METTL25: variants seen among roughly 807,000 people sequenced by gnomAD.
METTL25 encodes the protein probable methyltransferase-like protein 25.
In METTL25, 64 loss-of-function variants were observed where a neutral mutation model predicts 71.6. The ratio of observed to expected loss-of-function variants is 0.89; its 90% CI spans 0.73 to 1.10. The LOEUF (loss-of-function observed/expected upper bound fraction) is 1.10, where lower values mean the gene tolerates loss of function less well. Ranked by LOEUF, METTL25 falls within the 50% of genes least tolerant of loss-of-function variation. METTL25 has a pLI of 0.00. For missense variants in METTL25, 807 were observed against 707.0 expected, an observed-to-expected ratio of 1.14 and a Z score of -1.60; for synonymous variants, 287 against 250.3, an observed-to-expected ratio of 1.15 and a Z score of -1.38.
At position 82,399,288 on chromosome 12, in the gene METTL25, A is replaced by T. The variant is rs145668507; in HGVS notation, c.1025A>T (p.Glu342Val). The T allele has an allele frequency of 1.9e-6, 3 of 1,613,660 alleles. No individual in the cohort carries two copies. The highest frequency in any genetic ancestry group is 2.5e-6 in the Non-Finnish European group (3 of 1,179,826). The change falls in exon 4 of 12, where the codon GAG becomes GTG. Residue 342 changes from glutamate (E) to valine (V), a missense_variant. Transcript: ENST00000248306. ...AGAGAAACATCTGAAGCCAATAAAG[A>T]GAGAAGAAAAATGACATCAAAGTCA... ...PNRETSEANK[E>V]RRKMTSKSSE...
rs149063471 is a variant in METTL25 at position 82,391,990 on chromosome 12, G to A, written c.531+2068G>A. Among the ~76,000 whole-genome samples, 1,501 of 150,852 alleles carry A rather than the reference G, an allele frequency of 1.0e-2. 24 individuals carry two copies. The highest frequency in any genetic ancestry group is 0.034 in the African/African-American group (1,415 of 41,192). ...CATTTCTCTGATGCTTAGTGATATT[G>A]GACATTTTTTCATATACCTGTTGGC... On this transcript the variant is annotated intron_variant, in intron 3 of 11. Transcript: ENST00000248306.
chr12:82,392,698 A>G (rs1338259281), intron 3 of METTL25, among the ~76,000 whole-genome samples: 1 of 151,998 alleles, frequency 6.6e-6, no homozygotes, highest in Non-Finnish European at 1.5e-5. Context: ...CCTACTGAAG[A>G]AATCTTTGCC....
chr12:82,376,715 C>T (rs10735454), intron 1 of METTL25, among the ~76,000 whole-genome samples: 140,158 of 152,308 alleles, frequency 0.92, 64,860 homozygotes, highest in East Asian at 1. Flanking sequence ...TATAATATTT[C>T]CTACAAAAGA....
At chr12:82,368,816 T>C (rs1280808550) in intron 1 of METTL25, among the ~76,000 whole-genome samples, 2 of 152,206 alleles carry the variant, frequency 1.3e-5, no homozygotes, top group Non-Finnish European at 2.9e-5. Context: ...AAAGTCTATA[T>C]AACCAGTCAG....
chr12:82,445,178 C>G (rs1890651020), intron 8 of METTL25, among the ~76,000 whole-genome samples: 1 of 151,768 alleles, frequency 6.6e-6, no homozygotes, highest in African/African-American at 2.4e-5. Flanking sequence ...ACACACAAAC[C>G]ATGTAGCCTA....
chr12:82,437,482 C>A (rs976837715), intron 7 of METTL25, among the ~76,000 whole-genome samples: 4 of 151,616 alleles, frequency 2.6e-5, no homozygotes, highest in African/African-American at 9.6e-5. Context: ...AATGATTGAC[C>A]CTCAGCTCAC....
chr12:82,455,875 G>A (rs1207499083), intron 8 of METTL25, among the ~76,000 whole-genome samples: 1 of 151,814 alleles, frequency 6.6e-6, no homozygotes, highest in East Asian at 1.9e-4. Flanking sequence ...TGTAGGAAGA[G>A]GTGAAGAAGA....
At chr12:82,438,385 G>C (rs1890074270) in intron 7 of METTL25, 3 of 179,074 alleles carry the variant, frequency 1.7e-5, no homozygotes, top group Non-Finnish European at 3.5e-5. Context: ...AAATGCTCCA[G>C]AGCTGACTTG....
intron 1 of METTL25, 148 bp downstream of exon 1, chr12:82,358,972 A>T: frequency 7.0e-6 from 5 of 718,432 alleles, no homozygotes; most frequent in Admixed American, 2.5e-5. Flanking sequence ...GGGTCGGATT[A>T]GTTGAGGGGT....
intron 8 of METTL25, among the ~76,000 whole-genome samples, chr12:82,452,089 G>A (rs1382167740): frequency 2.0e-5 from 3 of 151,402 alleles, no homozygotes; most frequent in African/African-American, 7.3e-5. Flanking sequence ...GAAATTATAA[G>A]TTTTTATTTT....
intron 9 of METTL25, among the ~76,000 whole-genome samples, chr12:82,462,016 C>T (rs1221214473): frequency 6.6e-6 from 1 of 152,190 alleles, no homozygotes; most frequent in Non-Finnish European, 1.5e-5. Flanking sequence ...GGCCTTACTG[C>T]ACAGCTTAAT....
intron 5 of METTL25, among the ~76,000 whole-genome samples, chr12:82,425,121 G>A (rs1474912980): frequency 6.6e-6 from 1 of 152,048 alleles, no homozygotes; most frequent in Non-Finnish European, 1.5e-5. Flanking sequence ...AAGAGTATAG[G>A]TAGTGCAAAG....
At chr12:82,420,244 A>C (rs1167820878) in intron 5 of METTL25, among the ~76,000 whole-genome samples, 1 of 152,180 alleles carries the variant, frequency 6.6e-6, no homozygotes, top group Non-Finnish European at 1.5e-5. Flanking sequence ...ATACAAAATA[A>C]AATTTGGAGA....
chr12:82,374,366 T>C (rs934687272), intron 1 of METTL25: 1 of 152,272 alleles, frequency 6.6e-6, no homozygotes, highest in African/African-American at 2.4e-5. Context: ...GCTCTGCTGA[T>C]TGGTCCATTT....
intron 3 of METTL25, among the ~76,000 whole-genome samples, chr12:82,396,817 T>G (rs1486704473): frequency 6.6e-6 from 1 of 152,118 alleles, no homozygotes; most frequent in Non-Finnish European, 1.5e-5. Context: ...TTTTGACTTT[T>G]CTAGAACATT....
intron 8 of METTL25, among the ~76,000 whole-genome samples, chr12:82,446,976 C>G (rs2137219625): frequency 6.6e-6 from 1 of 151,852 alleles, no homozygotes; most frequent in East Asian, 1.9e-4. Flanking sequence ...TAGTATTCAG[C>G]AAAAGAAACA....
intron 9 of METTL25, among the ~76,000 whole-genome samples, chr12:82,472,545 C>G (rs1304565823): frequency 6.6e-6 from 1 of 152,124 alleles, no homozygotes; most frequent in African/African-American, 2.4e-5. Flanking sequence ...TTGCAGTGAG[C>G]CGAGGTCCTG....
At chr12:82,405,137 C>T (rs942977725) in intron 5 of METTL25, among the ~76,000 whole-genome samples, 1 of 152,120 alleles carries the variant, frequency 6.6e-6, no homozygotes, top group African/African-American at 2.4e-5. Flanking sequence ...CCCTAGCAGC[C>T]ATCACTCTGT....
intron 9 of METTL25, among the ~76,000 whole-genome samples, chr12:82,461,023 G>A (rs1010157960): frequency 4.7e-5 from 7 of 148,014 alleles, no homozygotes; most frequent in South Asian, 2.1e-4. Context: ...GGCGCCTGTG[G>A]TCCCAGCTAC....
Sources: allele counts gnomAD v4.1 joint callset (sites outside exome capture counted in the v4.1 genomes callset), GRCh38; gene constraint gnomAD v4.1.1; transcripts MANE v1.5; gene names NCBI Gene and HGNC (gene_info 2026-07-23, HGNC 2026-07-21).